SEMA3E: variants seen among roughly 807,000 people sequenced by gnomAD.
The protein encoded by SEMA3E is semaphorin-3E.
Under a neutral mutation model 93.6 loss-of-function variants are expected in SEMA3E, and 49 were observed. That is an observed-to-expected ratio of 0.52 (90% CI 0.42 to 0.66). The LOEUF (loss-of-function observed/expected upper bound fraction) is 0.66, where lower values mean the gene tolerates loss of function less well. Ranked by LOEUF, SEMA3E falls within the 30% of genes least tolerant of loss-of-function variation. The probability of loss-of-function intolerance (pLI) is 0.00; values close to 1 mark genes in which losing one functional copy is unlikely to be tolerated. For synonymous variants in SEMA3E, 363 were observed against 330.7 expected (o/e 1.10, Z -1.06); for missense variants, 906 against 964.8 (o/e 0.94, Z 0.81).
intron 1 of SEMA3E, among the ~76,000 whole-genome samples, chr7:83,585,606 T>A (rs1038440659): frequency 5.9e-5 from 9 of 152,228 alleles, no homozygotes; most frequent in African/African-American, 2.2e-4. Flanking sequence ...ATCAGCTCCT[T>A]CTGAATTCTC....
chr7:83,411,620 G>A (rs2709960), intron 5 of SEMA3E, among the ~76,000 whole-genome samples: 76,946 of 151,788 alleles, frequency 0.51, 22,367 homozygotes, highest in East Asian at 0.85. Context: ...TAGTAATTAA[G>A]TAAGCAAAAA....
intron 2 of SEMA3E, among the ~76,000 whole-genome samples, chr7:83,483,657 G>GT (rs1197675501): frequency 6.6e-6 from 1 of 151,844 alleles, no homozygotes; most frequent in Non-Finnish European, 1.5e-5. Context: ...TAACCCTTAA[G>GT]AAAGGTCAAC....
At chr7:83,482,588 A>C (rs1308056432) in intron 2 of SEMA3E, among the ~76,000 whole-genome samples, 1 of 118,808 alleles carries the variant, frequency 8.4e-6, no homozygotes, top group African/African-American at 3.1e-5. Flanking sequence ...AAAAAAAAAA[A>C]TTTGCAAGAA....
chr7:83,523,285 C>T (rs758550528), intron 1 of SEMA3E, among the ~76,000 whole-genome samples: 4 of 151,972 alleles, frequency 2.6e-5, no homozygotes, highest in African/African-American at 4.8e-5. Flanking sequence ...AGTTTTTACT[C>T]GTGTTTGTCC....
At chr7:83,570,703 G>A (rs939386592) in intron 1 of SEMA3E, among the ~76,000 whole-genome samples, 41 of 151,444 alleles carry the variant, frequency 2.7e-4, no homozygotes, top group Admixed American at 9.9e-4. Flanking sequence ...GGAAAAAAAT[G>A]AGATGCAGAA....
At chr7:83,457,810 C>A (rs1055282322) in intron 4 of SEMA3E, among the ~76,000 whole-genome samples, 2 of 152,138 alleles carry the variant, frequency 1.3e-5, no homozygotes, top group African/African-American at 4.8e-5. Flanking sequence ...AATCTTCCAC[C>A]AACTTATCCC....
chr7:83,473,905 C>A (rs1789954563), intron 2 of SEMA3E, among the ~76,000 whole-genome samples: 1 of 151,880 alleles, frequency 6.6e-6, no homozygotes, highest in Admixed American at 6.6e-5. Flanking sequence ...ACCAGCCTGG[C>A]AAACATGGTG....
At chr7:83,510,207 A>T (rs1386153424) in intron 1 of SEMA3E, among the ~76,000 whole-genome samples, 1 of 152,158 alleles carries the variant, frequency 6.6e-6, no homozygotes, top group Non-Finnish European at 1.5e-5. Context: ...CTCCATTTTT[A>T]ATTAAGCAAG....
intron 1 of SEMA3E, among the ~76,000 whole-genome samples, chr7:83,546,812 A>C (rs1367695441): frequency 6.6e-6 from 1 of 152,102 alleles, no homozygotes; most frequent in Non-Finnish European, 1.5e-5. Context: ...ATTTAGCAAT[A>C]AAGATATGGC....
At chr7:83,474,748 A>G (rs575850044) in intron 2 of SEMA3E, among the ~76,000 whole-genome samples, 1 of 152,112 alleles carries the variant, frequency 6.6e-6, no homozygotes, top group Non-Finnish European at 1.5e-5. Context: ...GGAGTCACTG[A>G]CCCCACTATA....
chr7:83,412,992 TAAAAG>T (rs1310320213), intron 5 of SEMA3E, among the ~76,000 whole-genome samples: 1 of 152,126 alleles, frequency 6.6e-6, no homozygotes, highest in East Asian at 1.9e-4. Flanking sequence ...ATATTGTGAT[TAAAAG>T]AGTGTGTCAA....
intron 1 of SEMA3E, among the ~76,000 whole-genome samples, chr7:83,512,675 A>G (rs1002816247): frequency 6.6e-6 from 1 of 152,194 alleles, no homozygotes; most frequent in Non-Finnish European, 1.5e-5. Flanking sequence ...AGGCAATTAT[A>G]CTAAATCAGG....
At chr7:83,509,895 G>A (rs1790782189) in intron 1 of SEMA3E, among the ~76,000 whole-genome samples, 1 of 152,128 alleles carries the variant, frequency 6.6e-6, no homozygotes, top group Non-Finnish European at 1.5e-5. Flanking sequence ...CAAGCTTGTA[G>A]ATCAGTCACA....
At chr7:83,503,034 A>G (rs1464080860) in intron 1 of SEMA3E, among the ~76,000 whole-genome samples, 1 of 148,814 alleles carries the variant, frequency 6.7e-6, no homozygotes, top group African/African-American at 2.5e-5. Context: ...TTTGATGTCA[A>G]TAAGTTATGG....
intron 1 of SEMA3E, among the ~76,000 whole-genome samples, chr7:83,637,034 G>GTGTA (rs147429716): frequency 0.27 from 40,991 of 149,142 alleles, 6,027 homozygotes; most frequent in South Asian, 0.35. Context: ...GTGTGTGTGT[G>GTGTA]TGTGTATGTG....
At chr7:83,420,342 A>G (rs1293741054) in intron 4 of SEMA3E, among the ~76,000 whole-genome samples, 1 of 152,186 alleles carries the variant, frequency 6.6e-6, no homozygotes, top group Non-Finnish European at 1.5e-5. Flanking sequence ...ATTCAGATGG[A>G]CTGGAAGTAT....
At chr7:83,527,527 A>C (rs1791186268) in intron 1 of SEMA3E, among the ~76,000 whole-genome samples, 1 of 152,156 alleles carries the variant, frequency 6.6e-6, no homozygotes, top group African/African-American at 2.4e-5. Flanking sequence ...CAATTATCTT[A>C]GGTATTCAAG....
At chr7:83,517,531 A>G (rs1230084099) in intron 1 of SEMA3E, among the ~76,000 whole-genome samples, 1 of 152,196 alleles carries the variant, frequency 6.6e-6, no homozygotes, top group African/African-American at 2.4e-5. Flanking sequence ...TGCATTAGCT[A>G]CTAGATTCCA....
intron 2 of SEMA3E, among the ~76,000 whole-genome samples, chr7:83,483,238 T>C (rs2115950672): frequency 6.6e-6 from 1 of 152,324 alleles, no homozygotes; most frequent in South Asian, 2.1e-4. Flanking sequence ...ATCTGCGGTT[T>C]CATTACCAAG....
Sources: allele counts gnomAD v4.1 joint callset (sites outside exome capture counted in the v4.1 genomes callset), GRCh38; gene constraint gnomAD v4.1.1; transcripts MANE v1.5; gene names NCBI Gene and HGNC (gene_info 2026-07-23, HGNC 2026-07-21).